The following STMP1 variants were observed in gnomAD, a reference collection of about 807,000 sequenced individuals.
STMP1 encodes short transmembrane mitochondrial protein 1, also known as mitolamban.
In STMP1, 7 loss-of-function variants were observed where a neutral mutation model predicts 7.0. The observed-to-expected ratio is 1.01, with a 90% CI of 0.57 to 1.89. The LOEUF is 1.89. STMP1 is among the 40% of genes most tolerant of loss of function. The probability of loss-of-function intolerance (pLI) is 0.00; values close to 1 mark genes in which losing one functional copy is unlikely to be tolerated. For synonymous variants in STMP1, 19 were observed against 18.4 expected, an observed-to-expected ratio of 1.03 and a Z score of -0.08; for missense variants, 45 against 53.0, an observed-to-expected ratio of 0.85 and a Z score of 0.47.
chr7:135,667,147 G>A (rs1795303355), intron 1 of STMP1, among the ~76,000 whole-genome samples: 1 of 152,218 alleles, frequency 6.6e-6, no homozygotes, highest in Non-Finnish European at 1.5e-5. Flanking sequence ...TCATATGCTT[G>A]TTGACTGTTT....
chr7:135,674,201 T>C lies in STMP1; in HGVS notation c.*36T>C. On this transcript the variant is annotated 3_prime_UTR_variant, in exon 3 of 3. Coordinates refer to ENST00000507606, the MANE Select transcript of STMP1 (RefSeq NM_001130929.2). ...AGCACTGCCTTCAGGATATACTGAT[T>C]CTACTGCTCTTGAGGGCCTCGTTTA... is the stretch of plus-strand genomic sequence containing the variant. The C allele has an allele frequency of 1.4e-6, 2 of 1,454,512 alleles. No individual in the cohort carries two copies. Among genetic ancestry groups the C allele is most frequent in the Non-Finnish European group, 1.9e-6 (2 of 1,077,910 alleles). The allele number at this position is 1,454,512 out of a possible 1,614,324, so 90.1% of individuals were successfully genotyped here.
chr7:135,662,521 G>T lies in STMP1; in HGVS notation c.-59G>T, dbSNP rs970968447. ...CCCCGCGCATGGGGAGGTAGGCTCG[G>T]ACCGGCCCGCGGAGCTGCTGCAGTC... On this transcript the variant is annotated 5_prime_UTR_variant, in exon 1 of 3. Coordinates refer to ENST00000507606, the MANE Select transcript of STMP1 (RefSeq NM_001130929.2). 3.3e-6 allele frequency: 5 copies of T among 1,530,652 alleles called. No individual in the cohort carries two copies. Among genetic ancestry groups the T allele is most frequent in the African/African-American group, 1.4e-5 (1 of 71,030 alleles). 94.8% of individuals were successfully genotyped at this position (1,530,652 alleles called of 1,614,324 possible). A position where few individuals can be genotyped will look rare whatever the true frequency, so the allele number is the denominator to read the frequency against.
At chr7:135,668,560 A>G (rs1009629661) in intron 1 of STMP1, among the ~76,000 whole-genome samples, 3 of 152,080 alleles carry the variant, frequency 2.0e-5, no homozygotes, top group Non-Finnish European at 4.4e-5. Context: ...ATGCCACCAC[A>G]TCCGGCTAGT....
intron 1 of STMP1, among the ~76,000 whole-genome samples, chr7:135,666,912 A>C (rs939208918): frequency 1.5e-3 from 231 of 152,298 alleles, no homozygotes; most frequent in Middle Eastern, 6.8e-3. Flanking sequence ...ATTATGTGGT[A>C]TCTTTATGCT....
At position 135,674,885 on chromosome 7, in the gene STMP1, G is replaced by A. The variant is rs1328835953; in HGVS notation, c.*720G>A. Reference sequence around the variant, plus strand: ...TTCCTTCTCAAAAGAATCATACTTGGGATTACAGGTACATTTGATGTTATA... The same window carrying A: ...TTCCTTCTCAAAAGAATCATACTTGAGATTACAGGTACATTTGATGTTATA... On this transcript the variant is annotated 3_prime_UTR_variant, in exon 3 of 3. Transcript: ENST00000507606. The A allele has an allele frequency of 6.6e-6, 1 of 151,880 alleles. No homozygotes were observed. The allele number at this position is 151,880 out of a possible 1,614,324, so 9.4% of individuals were successfully genotyped here.
intron 1 of STMP1, among the ~76,000 whole-genome samples, chr7:135,670,932 G>C (rs1208317409): frequency 6.6e-6 from 1 of 152,240 alleles, no homozygotes; most frequent in East Asian, 1.9e-4. Context: ...CCGCTTGATA[G>C]TGGTGGAACC....
rs753674567 is a variant in STMP1, at chr7:135,674,061, A to G, written c.70-30A>G. 8.2e-6 allele frequency: 12 copies of G among 1,467,122 alleles called. No individual in the cohort carries two copies. In the South Asian group the frequency reaches 1.5e-4, roughly 18 times the overall value. 90.9% of individuals were successfully genotyped at this position (1,467,122 alleles called of 1,614,324 possible). Reference sequence around the variant, plus strand: ...CAAGAATATTGATTAGGTAGATGCAAAATTATAATAACCTTTTTTCTCTTC... The same window carrying G: ...CAAGAATATTGATTAGGTAGATGCAGAATTATAATAACCTTTTTTCTCTTC... On this transcript the variant is annotated intron_variant, in intron 2 of 2. Transcript: ENST00000507606.
intron 1 of STMP1, chr7:135,665,649 A>G (rs1037436823): frequency 4.7e-5 from 7 of 149,058 alleles, no homozygotes; most frequent in Non-Finnish European, 8.9e-5. Context: ...CGCAGGGGCC[A>G]TTCTGATCTC....
intron 2 of STMP1, chr7:135,673,125 G>T (rs150933277): frequency 1.3e-3 from 434 of 344,834 alleles, no homozygotes; most frequent in Non-Finnish European, 2.0e-3. Context: ...TGATAAGTGA[G>T]AATTTAAAAA....
intron 1 of STMP1, among the ~76,000 whole-genome samples, chr7:135,665,853 G>A (rs1290454863): frequency 6.6e-6 from 1 of 151,926 alleles, no homozygotes; most frequent in Non-Finnish European, 1.5e-5. Context: ...GCACTGCTGG[G>A]GGCTTTGTGC....
chr7:135,663,476 C>T (rs1233669969), intron 1 of STMP1, among the ~76,000 whole-genome samples: 1 of 151,978 alleles, frequency 6.6e-6, no homozygotes, highest in Non-Finnish European at 1.5e-5. Context: ...TCCGGAGTAG[C>T]TGGGATTACA....
In STMP1 at chr7:135,674,229, A is replaced by G. The variant is rs936304539; in HGVS notation, c.*64A>G. The G allele has an allele frequency of 1.6e-6, 2 of 1,222,630 alleles. No individual in the cohort carries two copies. Among genetic ancestry groups the G allele is most frequent in the African/African-American group, 1.5e-5 (1 of 64,574 alleles). 75.7% of individuals were successfully genotyped at this position (1,222,630 alleles called of 1,614,324 possible). A position where few individuals can be genotyped will look rare whatever the true frequency, so the allele number is the denominator to read the frequency against. ...ACTGCTCTTGAGGGCCTCGTTTACT[A>G]TCTGAACCAAAAGCTTTTGTTTTCG... is the stretch of plus-strand genomic sequence containing the variant. On this transcript the variant is annotated 3_prime_UTR_variant, in exon 3 of 3. Transcript: ENST00000507606.
rs1795408440 is a variant in STMP1 at position 135,675,916 on chromosome 7, A to C, written c.*1751A>C. 1 of 145,916 alleles carries C rather than the reference A, an allele frequency of 6.9e-6. No individual in the cohort carries two copies. The highest frequency in any genetic ancestry group is 7.0e-5 in the Admixed American group (1 of 14,244). The allele number at this position is 145,916 out of a possible 1,614,324, so 9.0% of individuals were successfully genotyped here. ...TTTTCCTAGCAGCGTGATCATGGGC[A>C]AGTGGCTTTTTTTTTTTTTTTTTTT... On this transcript the variant is annotated 3_prime_UTR_variant, in exon 3 of 3. Transcript: ENST00000507606.
chr7:135,666,494 G>A (rs111770387), intron 1 of STMP1, among the ~76,000 whole-genome samples: 5,406 of 152,032 alleles, frequency 0.036, 180 homozygotes, highest in African/African-American at 0.087. Flanking sequence ...GATTACAGAC[G>A]TGTGCCACCA....
intron 1 of STMP1, among the ~76,000 whole-genome samples, chr7:135,671,056 C>A (rs1167038518): frequency 6.6e-6 from 1 of 152,220 alleles, no homozygotes; most frequent in East Asian, 1.9e-4. Flanking sequence ...ATTTAATACT[C>A]CTTCTGGATT....
intron 1 of STMP1, among the ~76,000 whole-genome samples, chr7:135,669,794 T>G (rs1325362655): frequency 1.3e-5 from 2 of 152,366 alleles, no homozygotes; most frequent in East Asian, 1.9e-4. Context: ...AAAAAATGAT[T>G]ATTCACACTA....
chr7:135,673,025 G>A, intron 2 of STMP1: 1 of 547,200 alleles, frequency 1.8e-6, no homozygotes, highest in Non-Finnish European at 3.2e-6. Flanking sequence ...AATCCCTTCA[G>A]TTTAGCTGGG....
intron 1 of STMP1, among the ~76,000 whole-genome samples, chr7:135,667,062 T>A (rs909638350): frequency 6.6e-6 from 1 of 152,218 alleles, no homozygotes; most frequent in African/African-American, 2.4e-5. Context: ...GTTAAAGTAA[T>A]TCTAGTGGGT....
In STMP1 at chr7:135,671,171, A is replaced by G. The variant is rs1327800414; in HGVS notation, c.16-1582A>G. On this transcript the variant is annotated intron_variant, in intron 1 of 2. Coordinates refer to ENST00000507606, the MANE Select transcript of STMP1 (RefSeq NM_001130929.2). ...AGGATTTTGCAGGCCATATCTGATT[A>G]ATCAAATGATCAGAACGGTCTATGA... 3.3e-5 allele frequency among the ~76,000 whole-genome samples: 5 copies of G among 152,238 alleles called. No homozygotes were observed. The East Asian group carries it at 7.7e-4, about 23-fold the overall frequency.
Sources: gnomAD v4.1 joint callset for allele counts (sites outside exome capture counted in the v4.1 genomes callset) on GRCh38, gnomAD v4.1.1 for gene constraint, MANE v1.5 for transcripts, NCBI Gene and HGNC (gene_info 2026-07-23, HGNC 2026-07-21) for gene names.